AIG1: variants seen among roughly 807,000 people sequenced by gnomAD.
The protein encoded by AIG1 is androgen induced 1, also known as androgen-induced gene 1 protein.
In AIG1, 23 loss-of-function variants were observed where a neutral mutation model predicts 31.4. That is an observed-to-expected ratio of 0.73 (90% CI 0.53 to 1.04). AIG1 has a LOEUF of 1.04. AIG1 is among the 50% of genes least tolerant of loss of function. AIG1 has a pLI of 0.00. For missense variants in AIG1, 274 were observed against 295.0 expected, an observed-to-expected ratio of 0.93 and a Z score of 0.52; for synonymous variants, 100 against 110.5, an observed-to-expected ratio of 0.90 and a Z score of 0.60.
chr6:143,284,910 A>G lies in AIG1; in HGVS notation c.515+685A>G, dbSNP rs1797586646. ...CACTTCAAAAATTATTTATCTTAACATAGAGAATTTCTTATTTCTCTTTAT... is the reference window on the plus strand; with the variant it reads ...CACTTCAAAAATTATTTATCTTAACGTAGAGAATTTCTTATTTCTCTTTAT... On this transcript the variant is annotated intron_variant, in intron 4 of 5. Coordinates refer to ENST00000357847, the MANE Select transcript of AIG1 (RefSeq NM_016108.4). This position sits in a 1 kb window ranked among gnomAD's most constrained non-coding sequence, Gnocchi z 4.4. 6.6e-6 allele frequency among the ~76,000 whole-genome samples: 1 copy of G among 152,202 alleles called. No homozygotes were observed. The highest frequency in any genetic ancestry group is 3.2e-3 in the Middle Eastern group (1 of 316).
rs1777330491 is a variant in AIG1, at chr6:143,334,493, A to G, written c.679+1048A>G. On this transcript the variant is annotated intron_variant, in intron 5 of 5. Coordinates refer to ENST00000357847, the MANE Select transcript of AIG1 (RefSeq NM_016108.4). The surrounding 1 kb of genome is among the most constrained non-coding windows in gnomAD (Gnocchi z 5.1). ...GGTATTAGCCAATGTTAAATGGCGC[A>G]GAGGAATTTGAGGGTTTCTTTTCTC... 6.6e-6 allele frequency among the ~76,000 whole-genome samples: 1 copy of G among 152,242 alleles called. No homozygotes were observed. The highest frequency in any genetic ancestry group is 6.5e-5 in the Admixed American group (1 of 15,278).
At chr6:143,204,476 T>C (rs1467071098) in intron 3 of AIG1, among the ~76,000 whole-genome samples, 1 of 152,124 alleles carries the variant, frequency 6.6e-6, no homozygotes, top group Non-Finnish European at 1.5e-5. Context: ...GACTTTTTAT[T>C]GGCAGCTTAT....
chr6:143,134,695 A>G (rs897998991), intron 1 of AIG1, among the ~76,000 whole-genome samples: 2 of 152,000 alleles, frequency 1.3e-5, no homozygotes, highest in African/African-American at 4.8e-5. Context: ...TTGACTTATT[A>G]TATTTCGACT....
At chr6:143,101,211 A>T (rs1293665361) in intron 1 of AIG1, among the ~76,000 whole-genome samples, 2 of 152,036 alleles carry the variant, frequency 1.3e-5, no homozygotes, top group Non-Finnish European at 2.9e-5. Context: ...AAATGAGGTA[A>T]TGAGGTGGCG....
intron 1 of AIG1, among the ~76,000 whole-genome samples, chr6:143,114,470 GA>G (rs879336818): frequency 6.6e-6 from 1 of 152,118 alleles, no homozygotes; most frequent in African/African-American, 2.4e-5. Context: ...AAATAGATGG[GA>G]AAAAAATGCA....
At chr6:143,152,421 G>A (rs1432373088) in intron 2 of AIG1, among the ~76,000 whole-genome samples, 1 of 151,622 alleles carries the variant, frequency 6.6e-6, no homozygotes, top group Admixed American at 6.6e-5. Flanking sequence ...ATTATTCAGT[G>A]ATTTTATGGT....
intron 3 of AIG1, among the ~76,000 whole-genome samples, chr6:143,194,641 C>A (rs940326716): frequency 6.6e-6 from 1 of 152,248 alleles, no homozygotes; most frequent in Non-Finnish European, 1.5e-5. Context: ...TAAAGGTCTT[C>A]TCTATGGTTT....
At chr6:143,095,484 C>T (rs1381191908) in intron 1 of AIG1, among the ~76,000 whole-genome samples, 4 of 152,074 alleles carry the variant, frequency 2.6e-5, no homozygotes, top group African/African-American at 9.7e-5. Context: ...ATAAAACATA[C>T]ACAAAGAGCA....
chr6:143,203,618 A>G (rs1330551408), intron 3 of AIG1, among the ~76,000 whole-genome samples: 1 of 152,148 alleles, frequency 6.6e-6, no homozygotes, highest in Non-Finnish European at 1.5e-5. Flanking sequence ...GGAGCAAGAA[A>G]ACTAGGACCA....
chr6:143,177,585 G>A (rs995360020), intron 3 of AIG1, among the ~76,000 whole-genome samples: 1 of 152,218 alleles, frequency 6.6e-6, no homozygotes, highest in Non-Finnish European at 1.5e-5. Flanking sequence ...TGGTGTCTGT[G>A]AGTACCTCAG....
Position 143,328,537 on chromosome 6 carries a change from T to G in AIG1, c.516-4745T>G, listed in dbSNP as rs1351263673. Among the ~76,000 whole-genome samples, 6 of 152,226 alleles carry G rather than the reference T, an allele frequency of 3.9e-5. No homozygotes were observed. Among genetic ancestry groups the G allele is most frequent in the Non-Finnish European group, 5.9e-5 (4 of 68,038 alleles). On this transcript the variant is annotated intron_variant, in intron 4 of 5. Transcript: ENST00000357847. This position sits in a 1 kb window ranked among gnomAD's most constrained non-coding sequence, Gnocchi z 4.0. ...TAATTCTGACTACACTTGTAATTCT[T>G]AATTATCTGTGTTTCTCATTACACT...
At chr6:143,101,086 T>A (rs1377887053) in intron 1 of AIG1, among the ~76,000 whole-genome samples, 1 of 151,810 alleles carries the variant, frequency 6.6e-6, no homozygotes, top group Non-Finnish European at 1.5e-5. Flanking sequence ...TTTCATATAA[T>A]TTTTTTTGCT....
In AIG1 at chr6:143,297,929, G is replaced by A. The variant is rs1366645643; in HGVS notation, c.515+13704G>A. ...TTCTCACGCAACAGTAGAAAAACAAGATGTGTAAGTCACCCATAAAGCTGA... is the reference window on the plus strand; with the variant it reads ...TTCTCACGCAACAGTAGAAAAACAAAATGTGTAAGTCACCCATAAAGCTGA... On this transcript the variant is annotated intron_variant, in intron 4 of 5. Coordinates refer to ENST00000357847, the MANE Select transcript of AIG1 (RefSeq NM_016108.4). This position sits in a 1 kb window ranked among gnomAD's most constrained non-coding sequence, Gnocchi z 5.1. 2.0e-5 allele frequency among the ~76,000 whole-genome samples: 3 copies of A among 151,946 alleles called. No individual in the cohort carries two copies. The highest frequency in any genetic ancestry group is 6.6e-5 in the Admixed American group (1 of 15,228).
At chr6:143,265,075 C>G (rs865798822) in intron 3 of AIG1, among the ~76,000 whole-genome samples, 1 of 152,142 alleles carries the variant, frequency 6.6e-6, no homozygotes, top group Non-Finnish European at 1.5e-5. Flanking sequence ...GTTGAGAAAT[C>G]GGAGAGTCTT....
chr6:143,179,979 G>A (rs1330494231), intron 3 of AIG1, among the ~76,000 whole-genome samples: 2 of 152,226 alleles, frequency 1.3e-5, no homozygotes, highest in South Asian at 4.1e-4. Context: ...GTGATTGAAA[G>A]AATGTTTATG....
intron 1 of AIG1, among the ~76,000 whole-genome samples, chr6:143,085,687 G>T (rs1175662065): frequency 6.6e-6 from 1 of 152,184 alleles, no homozygotes; most frequent in Non-Finnish European, 1.5e-5. Flanking sequence ...TTTGAGGCTT[G>T]GCTAAGTGCA....
At chr6:143,089,694 G>A (rs778003977) in intron 1 of AIG1, among the ~76,000 whole-genome samples, 1 of 152,184 alleles carries the variant, frequency 6.6e-6, no homozygotes, top group Non-Finnish European at 1.5e-5. Flanking sequence ...GGGAGCCTGA[G>A]TATGAAGAGA....
chr6:143,074,060 C>T (rs1432514036), intron 1 of AIG1, among the ~76,000 whole-genome samples: 4 of 152,224 alleles, frequency 2.6e-5, no homozygotes, highest in Admixed American at 6.5e-5. Flanking sequence ...AATGTCTATT[C>T]AAGTCTTTTG....
chr6:143,216,372 G>T (rs1021074747), intron 3 of AIG1, among the ~76,000 whole-genome samples: 1 of 152,320 alleles, frequency 6.6e-6, no homozygotes, highest in Non-Finnish European at 1.5e-5. Context: ...TGGACAGGGA[G>T]GATGGAGGAC....
Sources: gnomAD v4.1 joint callset for allele counts (sites outside exome capture counted in the v4.1 genomes callset) on GRCh38, gnomAD v4.1.1 for gene constraint, Gnocchi (gnomAD v3.1) non-coding constraint, MANE v1.5 for transcripts, NCBI Gene and HGNC (gene_info 2026-07-23, HGNC 2026-07-21) for gene names.